The following SUPT3H variants were observed in gnomAD, a reference collection of about 807,000 sequenced individuals.
SUPT3H encodes transcription initiation protein SPT3 homolog.
Under a neutral mutation model 44.3 loss-of-function variants are expected in SUPT3H, and 44 were observed. The ratio of observed to expected loss-of-function variants is 0.99; its 90% CI spans 0.78 to 1.28. The LOEUF (loss-of-function observed/expected upper bound fraction) is 1.28, where lower values mean the gene tolerates loss of function less well. SUPT3H is among the 50% of genes most tolerant of loss of function. SUPT3H has a pLI of 0.00. For synonymous variants in SUPT3H, 124 were observed against 125.6 expected, an observed-to-expected ratio of 0.99 and a Z score of 0.09; for missense variants, 380 against 387.1, an observed-to-expected ratio of 0.98 and a Z score of 0.15.
rs73735265 is a variant in SUPT3H, at chr6:44,947,726, T to C, written c.801+5584A>G. On this transcript the variant is annotated intron_variant, in intron 9 of 10. Coordinates refer to ENST00000371459, the MANE Select transcript of SUPT3H (RefSeq NM_003599.4). Reference sequence around the variant, plus strand: ...CCAAAAATAAATCCATTTAGATATATTGTTCAAGCAATCCAATGGGAGAAA... The same window carrying C: ...CCAAAAATAAATCCATTTAGATATACTGTTCAAGCAATCCAATGGGAGAAA... Among the ~76,000 whole-genome samples the C allele has an allele frequency of 3.9e-3, 597 of 152,296 alleles. 7 individuals carry two copies. Among genetic ancestry groups the C allele is most frequent in the African/African-American group, 0.014 (568 of 41,566 alleles).
At chr6:44,911,979 C>G (rs1472344706) in intron 10 of SUPT3H, among the ~76,000 whole-genome samples, 1 of 152,138 alleles carries the variant, frequency 6.6e-6, no homozygotes, top group African/African-American at 2.4e-5. Context: ...CTCTGCAGCT[C>G]AAATCTTCCC....
chr6:45,003,458 T>C (rs1463139090), intron 6 of SUPT3H, among the ~76,000 whole-genome samples, 195 bp downstream of exon 6: 1 of 152,086 alleles, frequency 6.6e-6, no homozygotes, highest in African/African-American at 2.4e-5. Context: ...ACAGAAGTTG[T>C]TTCCCAAAGT....
intron 2 of SUPT3H, among the ~76,000 whole-genome samples, chr6:45,279,318 A>C (rs184996957): frequency 9.7e-4 from 148 of 152,310 alleles, no homozygotes; most frequent in African/African-American, 3.4e-3. Flanking sequence ...AAACCATTTA[A>C]GTAGAGGTTA....
At chr6:45,307,435 T>C (rs1217784088) in intron 2 of SUPT3H, among the ~76,000 whole-genome samples, 3 of 152,046 alleles carry the variant, frequency 2.0e-5, no homozygotes, top group African/African-American at 7.2e-5. Context: ...AGAGAAACAA[T>C]CAGACAGCAA....
chr6:45,084,524 A>G (rs1420929843), intron 3 of SUPT3H, among the ~76,000 whole-genome samples: 1 of 152,222 alleles, frequency 6.6e-6, no homozygotes, highest in Admixed American at 6.5e-5. Context: ...TAGGAATGTA[A>G]AGTAGTTCAA....
chr6:45,296,651 A>G (rs1781276768), intron 2 of SUPT3H, among the ~76,000 whole-genome samples: 1 of 147,470 alleles, frequency 6.8e-6, no homozygotes, highest in Non-Finnish European at 1.5e-5. Context: ...AGGCAGGAGA[A>G]GCACTTGAAC....
chr6:45,122,947 T>A (rs1801884204), intron 2 of SUPT3H, among the ~76,000 whole-genome samples: 1 of 152,264 alleles, frequency 6.6e-6, no homozygotes, highest in Admixed American at 6.5e-5. Context: ...GAACCTGGGG[T>A]AAATTTCTTT....
intron 2 of SUPT3H, among the ~76,000 whole-genome samples, chr6:45,363,848 A>C (rs1049404569): frequency 1.3e-5 from 2 of 151,976 alleles, no homozygotes; most frequent in African/African-American, 2.4e-5. Flanking sequence ...TATATTATTT[A>C]TATTAACATA....
chr6:45,180,884 A>C (rs1349558958), intron 2 of SUPT3H, among the ~76,000 whole-genome samples: 3 of 151,058 alleles, frequency 2.0e-5, no homozygotes, highest in Non-Finnish European at 4.4e-5. Context: ...TAATTAAACT[A>C]AAGAGCTTCT....
intron 2 of SUPT3H, among the ~76,000 whole-genome samples, chr6:45,339,609 A>C (rs931745404): frequency 6.6e-6 from 1 of 151,610 alleles, no homozygotes; most frequent in Non-Finnish European, 1.5e-5. Context: ...AATAAGGAAA[A>C]TAAGAAGTAC....
chr6:45,197,471 C>G (rs1285013), intron 2 of SUPT3H, among the ~76,000 whole-genome samples: 2 of 150,902 alleles, frequency 1.3e-5, no homozygotes, highest in African/African-American at 2.4e-5. Context: ...AAACATTTTT[C>G]AAAGATCAGT....
intron 9 of SUPT3H, among the ~76,000 whole-genome samples, chr6:44,946,258 G>A (rs1050780402): frequency 2.6e-5 from 4 of 152,180 alleles, no homozygotes; most frequent in African/African-American, 9.7e-5. Flanking sequence ...GATGAACACT[G>A]TCTTCACAAT....
At chr6:45,121,736 C>T (rs1214467496) in intron 2 of SUPT3H, among the ~76,000 whole-genome samples, 2 of 151,960 alleles carry the variant, frequency 1.3e-5, no homozygotes, top group Non-Finnish European at 2.9e-5. Flanking sequence ...AGTGCGGTGG[C>T]GTGATCTTGG....
At chr6:45,047,051 G>T (rs1054097860) in intron 3 of SUPT3H, among the ~76,000 whole-genome samples, 5 of 152,136 alleles carry the variant, frequency 3.3e-5, no homozygotes, top group African/African-American at 1.2e-4. Flanking sequence ...GATTAACATT[G>T]TATCTTTGAC....
chr6:45,329,611 A>G (rs896735775), intron 2 of SUPT3H, among the ~76,000 whole-genome samples: 2 of 151,954 alleles, frequency 1.3e-5, no homozygotes, highest in Non-Finnish European at 2.9e-5. Flanking sequence ...ACCTACCAAA[A>G]TGAATAACTG....
At chr6:45,364,960 C>T (rs72862904) in intron 2 of SUPT3H, among the ~76,000 whole-genome samples, 122 of 152,254 alleles carry the variant, frequency 8.0e-4, no homozygotes, top group Middle Eastern at 6.8e-3. Context: ...CCTGATTATT[C>T]ATTCTATCAT....
intron 10 of SUPT3H, among the ~76,000 whole-genome samples, chr6:44,848,231 A>C (rs922745900): frequency 1.3e-5 from 2 of 151,942 alleles, no homozygotes; most frequent in African/African-American, 4.8e-5. Context: ...CAGCCTCCCA[A>C]AGTGCTAGGA....
At chr6:45,241,616 A>C (rs1373779158) in intron 2 of SUPT3H, among the ~76,000 whole-genome samples, 1 of 151,882 alleles carries the variant, frequency 6.6e-6, no homozygotes, top group Non-Finnish European at 1.5e-5. Flanking sequence ...CTGATTTCCC[A>C]CTCCACACGC....
At chr6:45,287,815 G>C (rs1354689383) in intron 2 of SUPT3H, among the ~76,000 whole-genome samples, 1 of 152,120 alleles carries the variant, frequency 6.6e-6, no homozygotes, top group African/African-American at 2.4e-5. Flanking sequence ...AATTTCAATA[G>C]TTTCCAAAAA....
Sources: allele counts gnomAD v4.1 joint callset (sites outside exome capture counted in the v4.1 genomes callset), GRCh38; gene constraint gnomAD v4.1.1; transcripts MANE v1.5; gene names NCBI Gene and HGNC (gene_info 2026-07-23, HGNC 2026-07-21).